Variants in ITGA9 observed in about 807,000 individuals in gnomAD.
The protein encoded by ITGA9 is integrin alpha-9.
ITGA9 carries 56 observed loss-of-function variants against 127.8 expected under a neutral mutation model. The observed-to-expected ratio is 0.44, with a 90% CI of 0.35 to 0.55. The LOEUF (loss-of-function observed/expected upper bound fraction) is 0.55. Ranked by LOEUF, ITGA9 falls within the 20% of genes least tolerant of loss-of-function variation. The pLI is 0.00. For synonymous variants in ITGA9, 508 were observed against 514.5 expected (o/e 0.99, Z 0.17); for missense variants, 1,196 against 1,347.1 (o/e 0.89, Z 1.76).
At chr3:37,741,882 C>T in intron 21 of ITGA9, 63 bp downstream of exon 21, 1 of 1,310,606 alleles carries the variant, frequency 7.6e-7, no homozygotes, top group South Asian at 1.2e-5. Flanking sequence ...CACTGTGCTT[C>T]TCATATTTGC....
At chr3:37,707,441 T>G (rs915402821) in intron 18 of ITGA9, among the ~76,000 whole-genome samples, 2 of 152,250 alleles carry the variant, frequency 1.3e-5, no homozygotes, top group African/African-American at 4.8e-5. Context: ...ATATTTCTTT[T>G]TATTTGCAGT....
At chr3:37,453,122 C>CGG (rs1458039314) in intron 1 of ITGA9, among the ~76,000 whole-genome samples, 2,081 of 148,916 alleles carry the variant, frequency 0.014, 105 homozygotes, top group African/African-American at 0.049. Flanking sequence ...GGCGCCCCCC[C>CGG]CCCCCCCCAG....
At chr3:37,708,606 C>T (rs949157929) in intron 18 of ITGA9, among the ~76,000 whole-genome samples, 5 of 234 alleles carry the variant, frequency 0.021, no homozygotes, top group African/African-American at 0.076. Context: ...ACTAGTTCAG[C>T]GCTATTAGCA....
At chr3:37,752,664 A>G (rs893850329) in intron 23 of ITGA9, among the ~76,000 whole-genome samples, 3 of 152,266 alleles carry the variant, frequency 2.0e-5, no homozygotes, top group Admixed American at 2.0e-4. Flanking sequence ...CACCCTACCT[A>G]CGGACCCACG....
At chr3:37,653,180 TGATTC>T (rs1286216314) in intron 16 of ITGA9, among the ~76,000 whole-genome samples, 1 of 152,246 alleles carries the variant, frequency 6.6e-6, no homozygotes, top group African/African-American at 2.4e-5. Context: ...CAGTCTGTTG[TGATTC>T]CCTCAGCCTG....
At chr3:37,714,073 A>G (rs987390559) in intron 18 of ITGA9, among the ~76,000 whole-genome samples, 2 of 152,226 alleles carry the variant, frequency 1.3e-5, no homozygotes, top group Non-Finnish European at 2.9e-5. Flanking sequence ...ACAGGGGTGG[A>G]ACAAATGCAG....
intron 15 of ITGA9, among the ~76,000 whole-genome samples, chr3:37,591,434 C>G (rs1024244507): frequency 1.3e-5 from 2 of 152,104 alleles, no homozygotes; most frequent in South Asian, 2.1e-4. Flanking sequence ...GACTGAGTGC[C>G]CCCCTGGCTG....
At chr3:37,708,862 A>G (rs1369055488) in intron 18 of ITGA9, among the ~76,000 whole-genome samples, 2 of 152,222 alleles carry the variant, frequency 1.3e-5, no homozygotes, top group Non-Finnish European at 2.9e-5. Flanking sequence ...TGAATACGTC[A>G]AGCCACTTCA....
At chr3:37,512,129 CT>C (rs1451676304) in intron 8 of ITGA9, among the ~76,000 whole-genome samples, 196 of 10,496 alleles carry the variant, frequency 0.019, 18 homozygotes, top group East Asian at 0.11. Flanking sequence ...TCTTTCTTTT[CT>C]TTTCTTTTCT....
At chr3:37,654,360 C>T (rs1250431349) in intron 17 of ITGA9, among the ~76,000 whole-genome samples, 2 of 152,148 alleles carry the variant, frequency 1.3e-5, no homozygotes, top group African/African-American at 4.8e-5. Context: ...CTGCATGAAT[C>T]CCCCAAGGCT....
chr3:37,459,885 C>T (rs1359503818), intron 1 of ITGA9, among the ~76,000 whole-genome samples: 5 of 152,164 alleles, frequency 3.3e-5, no homozygotes, highest in African/African-American at 4.8e-5. Context: ...GATGCTTATT[C>T]ATGACCCACT....
intron 15 of ITGA9, among the ~76,000 whole-genome samples, chr3:37,609,270 A>C (rs1015242665): frequency 6.6e-6 from 1 of 152,120 alleles, no homozygotes; most frequent in Non-Finnish European, 1.5e-5. Context: ...CTTCCTATGA[A>C]TTTTTACCTC....
At chr3:37,622,832 CA>C (rs982804010) in intron 15 of ITGA9, among the ~76,000 whole-genome samples, 25 of 143,806 alleles carry the variant, frequency 1.7e-4, no homozygotes, top group East Asian at 6.1e-4. Context: ...GAAACTCTGT[CA>C]AAAAAAAAAT....
At chr3:37,614,965 C>T (rs1423026967) in intron 15 of ITGA9, among the ~76,000 whole-genome samples, 2 of 152,152 alleles carry the variant, frequency 1.3e-5, no homozygotes, top group Non-Finnish European at 2.9e-5. Flanking sequence ...ATTTCCTTCT[C>T]CTGCCTGATT....
At chr3:37,506,708 C>T (rs1312186394) in intron 7 of ITGA9, among the ~76,000 whole-genome samples, 1 of 152,166 alleles carries the variant, frequency 6.6e-6, no homozygotes, top group Non-Finnish European at 1.5e-5. Flanking sequence ...GTGAACTACG[C>T]TTGTTGGTTC....
rs1007649516 is a variant in ITGA9 at position 37,780,164 on chromosome 3, C to T, written c.2787+143C>T. Reference sequence around the variant, plus strand: ...TCTGGCTGCCCCCCCTTTTGGCTGTCTACAAGAGACTGTTTTTATTTTTAT... The same window carrying T: ...TCTGGCTGCCCCCCCTTTTGGCTGTTTACAAGAGACTGTTTTTATTTTTAT... On this transcript the variant is annotated intron_variant, in intron 25 of 27. Coordinates refer to ENST00000264741, the MANE Select transcript of ITGA9 (RefSeq NM_002207.3). 7.8e-6 allele frequency: 7 copies of T among 900,154 alleles called. No homozygotes were observed. The African/African-American group carries it at 1.2e-4, about 15-fold the overall frequency. 55.8% of individuals were successfully genotyped at this position (900,154 alleles called of 1,614,324 possible).
chr3:37,801,010 C>A (rs903062354), intron 26 of ITGA9, among the ~76,000 whole-genome samples: 6 of 151,996 alleles, frequency 3.9e-5, no homozygotes, highest in African/African-American at 1.4e-4. Flanking sequence ...ATGAAAAATA[C>A]AAAAATCAGC....
At chr3:37,721,161 A>G (rs988381561) in intron 18 of ITGA9, among the ~76,000 whole-genome samples, 7 of 121,518 alleles carry the variant, frequency 5.8e-5, no homozygotes, top group Non-Finnish European at 1.1e-4. Context: ...TCACTGTGGC[A>G]CCCAGGCTGG....
At chr3:37,725,602 G>A (rs1428316427) in intron 18 of ITGA9, among the ~76,000 whole-genome samples, 1 of 152,208 alleles carries the variant, frequency 6.6e-6, no homozygotes, top group East Asian at 1.9e-4. Context: ...CCCTGGGCAA[G>A]TGATATAACT....
Sources: allele counts gnomAD v4.1 joint callset (sites outside exome capture counted in the v4.1 genomes callset), GRCh38; gene constraint gnomAD v4.1.1; transcripts MANE v1.5; gene names NCBI Gene and HGNC (gene_info 2026-07-23, HGNC 2026-07-21).